The following MLIP variants were observed in gnomAD, a reference collection of about 807,000 sequenced individuals.
The protein encoded by MLIP is muscular LMNA interacting protein, also known as muscular LMNA-interacting protein.
Under a neutral mutation model 84.8 loss-of-function variants are expected in MLIP, and 79 were observed. The observed-to-expected ratio is 0.93, with a 90% CI of 0.78 to 1.12. The LOEUF (loss-of-function observed/expected upper bound fraction) is 1.12. Among genes scored for constraint, MLIP ranks in the 50% most tolerant of loss-of-function variants. The pLI is 0.00. For missense variants in MLIP, 1,257 were observed against 1,160.6 expected, an observed-to-expected ratio of 1.08 and a Z score of -1.21; for synonymous variants, 504 against 463.0, an observed-to-expected ratio of 1.09 and a Z score of -1.14.
In MLIP at chr6:54,077,555, G is replaced by A. The variant is rs556863771; in HGVS notation, c.64-43892G>A. Among the ~76,000 whole-genome samples the A allele has an allele frequency of 3.3e-5, 5 of 152,154 alleles. No individual in the cohort carries two copies. In the South Asian group the frequency reaches 1.0e-3, roughly 32 times the overall value. Reference sequence around the variant, plus strand: ...TCTAATACGTGTTTCAAGATAATTTGCTTGAAAAACATACCAAACTCACTG... The same window carrying A: ...TCTAATACGTGTTTCAAGATAATTTACTTGAAAAACATACCAAACTCACTG... On this transcript the variant is annotated intron_variant, in intron 1 of 12. Transcript: ENST00000274897.
intron 1 of MLIP, among the ~76,000 whole-genome samples, chr6:54,076,109 T>C (rs187820351): frequency 6.6e-6 from 1 of 152,320 alleles, no homozygotes; most frequent in African/African-American, 2.4e-5. Context: ...ATCAGTATGG[T>C]ATGTTTCTCT....
chr6:54,206,989 T>TCA (rs1294524308), intron 11 of MLIP, among the ~76,000 whole-genome samples: 1 of 152,210 alleles, frequency 6.6e-6, no homozygotes, highest in Non-Finnish European at 1.5e-5. Context: ...TATTTTGGGG[T>TCA]AAATGTTTAA....
At chr6:54,116,358 G>A (rs968137884) in intron 1 of MLIP, among the ~76,000 whole-genome samples, 2 of 152,260 alleles carry the variant, frequency 1.3e-5, no homozygotes, top group South Asian at 4.1e-4. Flanking sequence ...TTTTTGGAAA[G>A]ATAAATTTGA....
chr6:54,026,861 G>T (rs1273199533), intron 1 of MLIP, among the ~76,000 whole-genome samples: 1 of 152,098 alleles, frequency 6.6e-6, no homozygotes, highest in Non-Finnish European at 1.5e-5. Flanking sequence ...TACAGTTAAA[G>T]TTGTGCTTGT....
At chr6:54,191,129 CT>C (rs561747391) in intron 10 of MLIP, among the ~76,000 whole-genome samples, 211 of 152,086 alleles carry the variant, frequency 1.4e-3, no homozygotes, top group Admixed American at 2.4e-3. Flanking sequence ...TATTTATTGT[CT>C]AAAATTGTAA....
At chr6:54,037,366 T>A (rs886428295) in intron 1 of MLIP, among the ~76,000 whole-genome samples, 2 of 151,930 alleles carry the variant, frequency 1.3e-5, no homozygotes, top group Non-Finnish European at 2.9e-5. Flanking sequence ...AGTCCATATA[T>A]GGGATTGCTT....
chr6:54,251,735 A>C (rs1416298441), intron 12 of MLIP, among the ~76,000 whole-genome samples: 6 of 103,032 alleles, frequency 5.8e-5, no homozygotes, highest in African/African-American at 1.3e-4. Context: ...ATATGATATA[A>C]ATATATATAA....
intron 12 of MLIP, among the ~76,000 whole-genome samples, chr6:54,243,597 T>G (rs1781880945): frequency 1.3e-5 from 2 of 152,232 alleles, no homozygotes. Context: ...GTTTATTTTT[T>G]CTTTTACATA....
chr6:54,171,161 T>A (rs1255939284), intron 9 of MLIP, among the ~76,000 whole-genome samples: 1 of 151,674 alleles, frequency 6.6e-6, no homozygotes, highest in African/African-American at 2.4e-5. Context: ...GCTTCTTCAA[T>A]CTCCATAGTT....
At chr6:54,126,272 T>C (rs993639478) in intron 3 of MLIP, among the ~76,000 whole-genome samples, 4 of 152,136 alleles carry the variant, frequency 2.6e-5, no homozygotes, top group African/African-American at 9.7e-5. Context: ...GTTGGGTCTT[T>C]GATTTACTCT....
chr6:54,197,244 C>G (rs1175647890), intron 10 of MLIP, among the ~76,000 whole-genome samples: 1 of 152,036 alleles, frequency 6.6e-6, no homozygotes, highest in Non-Finnish European at 1.5e-5. Context: ...GGAGAGTTGA[C>G]ATGACTTGAT....
intron 1 of MLIP, among the ~76,000 whole-genome samples, chr6:54,120,006 T>G (rs924113141): frequency 1.3e-5 from 2 of 152,142 alleles, no homozygotes; most frequent in African/African-American, 4.8e-5. Flanking sequence ...CCTTCTCTAC[T>G]CTCACCCATC....
intron 2 of MLIP, 96 bp downstream of exon 2, chr6:54,121,698 TA>T (rs1770470713): frequency 2.1e-6 from 2 of 965,244 alleles, no homozygotes; most frequent in Non-Finnish European, 3.0e-6. Context: ...GTGCTTAAAT[TA>T]AGGTGACTGT....
At chr6:54,211,696 C>G (rs1401460203) in intron 11 of MLIP, among the ~76,000 whole-genome samples, 8 of 152,210 alleles carry the variant, frequency 5.3e-5, no homozygotes, top group African/African-American at 1.9e-4. Context: ...AAGTGGGATG[C>G]TACTAGCATT....
In MLIP at chr6:54,051,386, A is replaced by G. The variant is rs1392805784; in HGVS notation, c.63+32295A>G. 2.0e-5 allele frequency among the ~76,000 whole-genome samples: 3 copies of G among 152,084 alleles called. 1 individual carries two copies. Among genetic ancestry groups the G allele is most frequent in the South Asian group, 4.1e-4 (2 of 4,820 alleles). ...ATTTTTTCTTTTATTTTTCCTTTCA[A>G]TACAAAGGCAGGGAATGGGTAGTTG... On this transcript the variant is annotated intron_variant, in intron 1 of 12. Transcript: ENST00000274897.
intron 1 of MLIP, among the ~76,000 whole-genome samples, chr6:54,114,415 T>A (rs1769732439): frequency 6.6e-6 from 1 of 152,224 alleles, no homozygotes; most frequent in East Asian, 1.9e-4. Context: ...TTTCAGTGAA[T>A]AATATCTCAT....
At chr6:54,215,487 C>A in intron 11 of MLIP, 1 of 855,902 alleles carries the variant, frequency 1.2e-6, no homozygotes, top group Non-Finnish European at 1.5e-6. Flanking sequence ...GTATAATTGA[C>A]AAAAATTATA....
chr6:54,106,917 G>A (rs535958976), upstream of MLIP, among the ~76,000 whole-genome samples: 1 of 152,236 alleles, frequency 6.6e-6, no homozygotes, highest in African/African-American at 2.4e-5. Flanking sequence ...ATGACTCCTG[G>A]GCTACTTCAA....
chr6:54,123,818 T>C (rs1348447722), intron 2 of MLIP, among the ~76,000 whole-genome samples: 1 of 152,244 alleles, frequency 6.6e-6, no homozygotes, highest in Non-Finnish European at 1.5e-5. Context: ...TTGATAAAGC[T>C]ATCTTGATCC....
Sources: gnomAD v4.1 joint callset for allele counts (sites outside exome capture counted in the v4.1 genomes callset) on GRCh38, gnomAD v4.1.1 for gene constraint, MANE v1.5 for transcripts, NCBI Gene and HGNC (gene_info 2026-07-23, HGNC 2026-07-21) for gene names.